Variants in NPHP4 observed in about 807,000 individuals in gnomAD.
The protein encoded by NPHP4 is nephrocystin-4.
In NPHP4, 151 loss-of-function variants were observed where a neutral mutation model predicts 155.8. That is an observed-to-expected ratio of 0.97 (90% confidence interval 0.85 to 1.11). The LOEUF (loss-of-function observed/expected upper bound fraction) is 1.11, where lower values mean the gene tolerates loss of function less well. Ranked by LOEUF, NPHP4 falls within the 50% of genes least tolerant of loss-of-function variation. NPHP4 has a pLI of 0.00. For synonymous variants in NPHP4, 845 were observed against 816.8 expected (o/e 1.03, Z -0.59); for missense variants, 1,956 against 1,925.7 (o/e 1.02, Z -0.29).
Position 5,889,165 on chromosome 1 carries a change from T to G in NPHP4, c.2305-1699A>C, listed in dbSNP as rs765892345. ...ATCAACTAGAAGATGGGGGTAAAAT[T>G]GAACTTCAAGAAGTCCACAGCAGTG... On this transcript the variant is annotated intron_variant, in intron 17 of 29. Coordinates refer to ENST00000378156, the MANE Select transcript of NPHP4 (RefSeq NM_015102.5). This position sits in a 1 kb window ranked among gnomAD's most constrained non-coding sequence, Gnocchi z 4.2. Among the ~76,000 whole-genome samples the G allele has an allele frequency of 2.6e-5, 4 of 152,068 alleles. No individual in the cohort carries two copies. The highest frequency in any genetic ancestry group is 4.4e-5 in the Non-Finnish European group (3 of 68,018).
At chr1:5,952,654 C>A (rs1648368134) in intron 7 of NPHP4, 46 bp downstream of exon 7, 3 of 1,425,834 alleles carry the variant, frequency 2.1e-6, no homozygotes, top group Non-Finnish European at 2.8e-6. Context: ...GGGTCCCACC[C>A]CTGCCTGGCC....
chr1:5,909,405 GC>G (rs912133530), intron 11 of NPHP4, among the ~76,000 whole-genome samples, 192 bp from the exon 12 acceptor site: 22 of 152,208 alleles, frequency 1.4e-4, no homozygotes, highest in Non-Finnish European at 2.8e-4. Context: ...TCTATCTAGA[GC>G]CCTGGCATGC....
chr1:5,957,506 G>A (rs1303327004), intron 6 of NPHP4, among the ~76,000 whole-genome samples: 2 of 152,156 alleles, frequency 1.3e-5, no homozygotes, highest in African/African-American at 4.8e-5. Context: ...TCAAAAACAA[G>A]ACCGCTGCAA....
intron 11 of NPHP4, among the ~76,000 whole-genome samples, chr1:5,912,678 T>TA (rs2101376443): frequency 6.6e-6 from 1 of 152,180 alleles, no homozygotes; most frequent in African/African-American, 2.4e-5. Context: ...CCATAAAACT[T>TA]AAAGTAAATT....
chr1:5,967,452 C>A, intron 4 of NPHP4, 89 bp from the exon 5 acceptor site: 1 of 987,512 alleles, frequency 1.0e-6, no homozygotes, highest in South Asian at 1.4e-5. Flanking sequence ...CCACCACGCC[C>A]ACTAGAGCTT....
intron 11 of NPHP4, among the ~76,000 whole-genome samples, chr1:5,925,669 G>T (rs1220943633): frequency 6.6e-6 from 1 of 152,114 alleles, no homozygotes; most frequent in Non-Finnish European, 1.5e-5. Context: ...AGGCTGGAGT[G>T]CAGTGGCACA....
chr1:5,875,157 G>A (rs1642453607), intron 20 of NPHP4, 57 bp from the exon 21 acceptor site: 2 of 1,329,146 alleles, frequency 1.5e-6, no homozygotes, highest in Non-Finnish European at 1.0e-6. Flanking sequence ...CTCCACAAGG[G>A]GCTATTGCTG....
chr1:5,901,907 G>C (rs1394511632), intron 16 of NPHP4, among the ~76,000 whole-genome samples: 1 of 152,330 alleles, frequency 6.6e-6, no homozygotes, highest in East Asian at 1.9e-4. Flanking sequence ...CTTAGTTGAA[G>C]TGATTCAGGA....
intron 26 of NPHP4, 107 bp from the exon 27 acceptor site, chr1:5,865,380 G>C (rs1039488961): frequency 9.3e-7 from 1 of 1,072,002 alleles, no homozygotes; most frequent in Non-Finnish European, 1.3e-6. Flanking sequence ...AGGCTGTGCA[G>C]GGAAAGCCCC....
intron 11 of NPHP4, among the ~76,000 whole-genome samples, chr1:5,911,734 C>T (rs1220432891): frequency 1.3e-5 from 2 of 152,154 alleles, no homozygotes; most frequent in East Asian, 1.9e-4. Context: ...CAGATCCAAC[C>T]GGTGAAGCAG....
intron 13 of NPHP4, among the ~76,000 whole-genome samples, chr1:5,906,625 GC>G (rs1183853416): frequency 3.9e-5 from 6 of 152,234 alleles, no homozygotes; most frequent in Admixed American, 3.9e-4. Context: ...AGGTGAACCA[GC>G]CGACTTTGGA....
intron 1 of NPHP4, among the ~76,000 whole-genome samples, chr1:5,988,697 C>T (rs1361221332): frequency 3.3e-5 from 5 of 152,184 alleles, no homozygotes; most frequent in Admixed American, 2.6e-4. Flanking sequence ...TGCATGCTCC[C>T]GGCATGTGTG....
intron 16 of NPHP4, among the ~76,000 whole-genome samples, chr1:5,891,478 C>T (rs113660982): frequency 4.6e-5 from 7 of 152,348 alleles, no homozygotes; most frequent in African/African-American, 1.7e-4. Flanking sequence ...CAGCCCCTCT[C>T]CTGGCCCTAA....
intron 9 of NPHP4, among the ~76,000 whole-genome samples, chr1:5,943,735 T>C (rs975084626): frequency 2.0e-5 from 3 of 152,064 alleles, no homozygotes; most frequent in Non-Finnish European, 2.9e-5. Flanking sequence ...GTAAAATACT[T>C]AAAAAATGTA....
chr1:5,906,632 T>C (rs1002891883), intron 13 of NPHP4, among the ~76,000 whole-genome samples: 25 of 152,238 alleles, frequency 1.6e-4, no homozygotes, highest in African/African-American at 6.0e-4. Context: ...CCAGCCGACT[T>C]TGGAAACCAA....
At position 5,902,613 on chromosome 1, in the gene NPHP4, CT is replaced by C. The variant is rs1644734588; in HGVS notation, c.2143+2003del. ...CACTTATCAAATTTTTTTCCTTCTA[CT>C]TTTACTGGGTTTGTTCTGTCTTTCT... On this transcript the variant is annotated intron_variant, in intron 16 of 29. Transcript: ENST00000378156. Among the ~76,000 whole-genome samples the C allele has an allele frequency of 2.0e-5, 3 of 152,262 alleles. No homozygotes were observed. In the South Asian group the frequency reaches 6.2e-4, roughly 32 times the overall value.
chr1:5,943,499 T>C (rs922933678), intron 9 of NPHP4, among the ~76,000 whole-genome samples: 2 of 152,110 alleles, frequency 1.3e-5, no homozygotes, highest in African/African-American at 4.8e-5. Flanking sequence ...TGAGGCCAAG[T>C]GAAGCAGCTG....
intron 6 of NPHP4, among the ~76,000 whole-genome samples, chr1:5,954,200 T>C (rs973479626): frequency 2.6e-5 from 4 of 152,254 alleles, no homozygotes; most frequent in East Asian, 1.9e-4. Flanking sequence ...TTTATTATAA[T>C]AGAGAAAAAT....
rs576134474 is a variant in NPHP4, at chr1:5,888,308, C to T, written c.2305-842G>A. 18 of 984,350 alleles carry T rather than the reference C, an allele frequency of 1.8e-5. No homozygotes were observed. In the Admixed American group the frequency reaches 8.0e-4, roughly 44 times the overall value. 61.0% of individuals were successfully genotyped at this position (984,350 alleles called of 1,614,324 possible). A position where few individuals can be genotyped will look rare whatever the true frequency, so the allele number is the denominator to read the frequency against. ...AACGGCCTCACGGCTGTGCCCCAGG[C>T]GTGGCTGGGACACTCTTCCCCCGTG... On this transcript the variant is annotated intron_variant, in intron 17 of 29. Coordinates refer to ENST00000378156, the MANE Select transcript of NPHP4 (RefSeq NM_015102.5).
Sources: gnomAD v4.1 joint callset for allele counts (sites outside exome capture counted in the v4.1 genomes callset) on GRCh38, gnomAD v4.1.1 for gene constraint, Gnocchi (gnomAD v3.1) non-coding constraint, MANE v1.5 for transcripts, NCBI Gene and HGNC (gene_info 2026-07-23, HGNC 2026-07-21) for gene names.